The following RUNX1T1 variants were observed in gnomAD, a reference collection of about 807,000 sequenced individuals.
RUNX1T1 encodes the protein protein CBFA2T1.
Under a neutral mutation model 62.8 loss-of-function variants are expected in RUNX1T1, and 4 were observed. The ratio of observed to expected loss-of-function variants is 0.06; its 90% CI spans 0.03 to 0.15. The LOEUF (loss-of-function observed/expected upper bound fraction) is 0.15, where lower values mean the gene tolerates loss of function less well. Ranked by LOEUF, RUNX1T1 falls within the 10% of genes least tolerant of loss-of-function variation. The pLI is 1.00. For synonymous variants in RUNX1T1, 291 were observed against 286.0 expected, an observed-to-expected ratio of 1.02 and a Z score of -0.18; for missense variants, 508 against 754.3, an observed-to-expected ratio of 0.67 and a Z score of 3.82.
intron 8 of RUNX1T1, among the ~76,000 whole-genome samples, chr8:91,982,219 A>G (rs528839034): frequency 6.7e-6 from 1 of 149,630 alleles, no homozygotes; most frequent in East Asian, 1.9e-4. Context: ...CCTGAGCAAC[A>G]AAGTGAGACC....
upstream of RUNX1T1, among the ~76,000 whole-genome samples, chr8:92,100,063 A>T (rs1837965400): frequency 6.6e-6 from 1 of 152,222 alleles, no homozygotes; most frequent in Non-Finnish European, 1.5e-5. Context: ...TGCAAATATT[A>T]AAAAGCTGCA....
intron 1 of RUNX1T1, among the ~76,000 whole-genome samples, chr8:92,090,131 A>G (rs1836761559): frequency 6.6e-6 from 1 of 151,258 alleles, no homozygotes; most frequent in South Asian, 2.1e-4. Flanking sequence ...CAGTGATTGA[A>G]CTGGAAAGGG....
chr8:92,060,547 ATATATATGTGTGTGTGTG>A (rs1424471616), intron 1 of RUNX1T1, among the ~76,000 whole-genome samples: 2 of 102,790 alleles, frequency 1.9e-5, no homozygotes, highest in African/African-American at 7.2e-5. Flanking sequence ...ATATATATAT[ATATATATGTGTGTGTGTG>A]TGTGTGTGTG....
At chr8:92,092,793 A>G (rs1222777349) in intron 1 of RUNX1T1, among the ~76,000 whole-genome samples, 1 of 152,220 alleles carries the variant, frequency 6.6e-6, no homozygotes, top group African/African-American at 2.4e-5. Context: ...TCTGCTGAGG[A>G]TAAAAGTGCC....
At chr8:91,994,044 A>G (rs573835402) in intron 5 of RUNX1T1, among the ~76,000 whole-genome samples, 11 of 152,248 alleles carry the variant, frequency 7.2e-5, no homozygotes, top group Non-Finnish European at 1.2e-4. Flanking sequence ...GCAGAGCTTA[A>G]TGTTGAAGAA....
intron 10 of RUNX1T1, among the ~76,000 whole-genome samples, chr8:91,965,067 G>A (rs1228059422): frequency 6.6e-6 from 1 of 152,082 alleles, no homozygotes; most frequent in Non-Finnish European, 1.5e-5. Context: ...CCCTCCTTTT[G>A]GTACTGACTG....
intron 7 of RUNX1T1, among the ~76,000 whole-genome samples, 159 bp from the exon 9 acceptor site, chr8:91,986,484 G>A (rs948390572): frequency 1.3e-5 from 2 of 152,192 alleles, no homozygotes; most frequent in African/African-American, 4.8e-5. Flanking sequence ...GAAATTCAGA[G>A]CCAATAGATG....
At chr8:92,019,769 C>T (rs1474225806) in intron 1 of RUNX1T1, among the ~76,000 whole-genome samples, 1 of 152,012 alleles carries the variant, frequency 6.6e-6, no homozygotes, top group Non-Finnish European at 1.5e-5. Context: ...TATCTTCTTC[C>T]CAATTTTAGA....
intron 2 of RUNX1T1, among the ~76,000 whole-genome samples, chr8:92,071,921 G>A (rs1833745052): frequency 6.6e-6 from 1 of 152,034 alleles, no homozygotes. Flanking sequence ...AGCTGACCCA[G>A]AAACAAGTCC....
rs1817421140 is a variant in RUNX1T1, at chr8:91,990,407, C to A, written c.910+1232G>T. Among the ~76,000 whole-genome samples the A allele has an allele frequency of 2.6e-5, 4 of 152,056 alleles. No individual in the cohort carries two copies. The South Asian group carries it at 8.3e-4, about 31-fold the overall frequency. On this transcript the variant is annotated intron_variant, in intron 6 of 10. Coordinates refer to ENST00000396218, the Ensembl canonical transcript of RUNX1T1. ...AAGTCCTGTTAGTGGGTGATGTGGA[C>A]ACAGGAGATGGAAAAAGAAGAGGAG...
At chr8:91,994,522 G>C in intron 5 of RUNX1T1, 1 of 479,392 alleles carries the variant, frequency 2.1e-6, no homozygotes, top group Middle Eastern at 3.6e-4. Flanking sequence ...AAGAGCACTG[G>C]ACTGGGAATC....
intron 1 of RUNX1T1, among the ~76,000 whole-genome samples, chr8:92,027,798 A>C (rs973962544): frequency 1.3e-5 from 2 of 151,974 alleles, no homozygotes; most frequent in African/African-American, 4.8e-5. Context: ...AGATAAATCT[A>C]TGGCAATCGA....
intron 1 of RUNX1T1, among the ~76,000 whole-genome samples, chr8:92,096,990 C>A (rs1203534012): frequency 6.6e-6 from 1 of 151,934 alleles, no homozygotes; most frequent in African/African-American, 2.4e-5. Flanking sequence ...CCCACCCAAA[C>A]ACACACACAC....
At chr8:92,086,247 T>C (rs1407699632) in intron 1 of RUNX1T1, among the ~76,000 whole-genome samples, 2 of 152,192 alleles carry the variant, frequency 1.3e-5, no homozygotes, top group East Asian at 1.9e-4. Context: ...CTCTCCTTCT[T>C]ACCATGTTAG....
intron 10 of RUNX1T1, among the ~76,000 whole-genome samples, chr8:91,962,281 G>T (rs1206443465): frequency 1.3e-5 from 2 of 152,020 alleles, no homozygotes; most frequent in African/African-American, 4.8e-5. Flanking sequence ...AAATAAAAAA[G>T]AAATTACAAT....
chr8:91,956,272 C>T (rs1369823228), downstream of RUNX1T1: 1 of 232,062 alleles, frequency 4.3e-6, no homozygotes. Context: ...CTTCCTACTC[C>T]TCCTGCCTGA....
chr8:92,063,102 A>T (rs571691596), upstream of RUNX1T1: 11 of 219,534 alleles, frequency 5.0e-5, no homozygotes, highest in East Asian at 6.9e-4. Flanking sequence ...GAACTGTATT[A>T]AAAAAAAAAA....
In RUNX1T1 at chr8:92,060,541, A is replaced by ATGTG. The variant is rs1476698430; in HGVS notation, c.7+2004_7+2005insCACA. Reference sequence around the variant, plus strand: ...CTACCAAATATATATATATATATATATATATATATATATGTGTGTGTGTGT... The same window carrying ATGTG: ...CTACCAAATATATATATATATATATATGTGTATATATATATATGTGTGTGTGTGT... On this transcript the variant is annotated intron_variant, in intron 1 of 10. Transcript: ENST00000396218. Among the ~76,000 whole-genome samples, 199 of 109,358 alleles carry ATGTG rather than the reference A, an allele frequency of 1.8e-3. 1 individual carries two copies. The highest frequency in any genetic ancestry group is 6.4e-3 in the African/African-American group (189 of 29,506). The allele number at this position is 109,358 out of a possible 152,430, so 71.7% of individuals were successfully genotyped here.
chr8:92,030,644 C>T (rs1408113945), intron 1 of RUNX1T1, among the ~76,000 whole-genome samples: 1 of 152,220 alleles, frequency 6.6e-6, no homozygotes, highest in Non-Finnish European at 1.5e-5. Flanking sequence ...AAAAGACCAA[C>T]TCTTTTGTGG....
Sources: gnomAD v4.1 joint callset for allele counts (sites outside exome capture counted in the v4.1 genomes callset) on GRCh38, gnomAD v4.1.1 for gene constraint, MANE v1.5 for transcripts, NCBI Gene and HGNC (gene_info 2026-07-23, HGNC 2026-07-21) for gene names.